Variants in SLC9A9 observed in about 807,000 individuals in gnomAD.
The protein encoded by SLC9A9 is solute carrier family 9 member A9, also known as sodium/hydrogen exchanger 9.
Under a neutral mutation model 77.8 loss-of-function variants are expected in SLC9A9, and 62 were observed. The observed-to-expected ratio is 0.80, with a 90% CI of 0.65 to 0.98. The LOEUF is 0.98. SLC9A9 is among the 50% of genes least tolerant of loss of function. The probability of loss-of-function intolerance (pLI) is 0.00; values close to 1 mark genes in which losing one functional copy is unlikely to be tolerated. For synonymous variants in SLC9A9, 320 were observed against 283.5 expected, an observed-to-expected ratio of 1.13 and a Z score of -1.29; for missense variants, 775 against 774.9, an observed-to-expected ratio of 1.00 and a Z score of 0.00.
rs144316114 is a variant in SLC9A9 at position 143,744,767 on chromosome 3, A to T, written c.533+50234T>A. Among the ~76,000 whole-genome samples, 3 of 152,302 alleles carry T rather than the reference A, an allele frequency of 2.0e-5. No homozygotes were observed. The East Asian group carries it at 5.8e-4, about 29-fold the overall frequency. ...GAATCAGGCAAATGAATAATGATTA[A>T]GTCTAATTAAGTGGAGAATCAGAGG... On this transcript the variant is annotated intron_variant, in intron 4 of 15. Transcript: ENST00000316549.
intron 5 of SLC9A9, among the ~76,000 whole-genome samples, chr3:143,689,881 A>G (rs12488445): frequency 0.43 from 65,523 of 151,934 alleles, 14,310 homozygotes; most frequent in South Asian, 0.6. Flanking sequence ...AAAATCACTG[A>G]AAATTTAGGG....
intron 14 of SLC9A9, among the ~76,000 whole-genome samples, chr3:143,341,942 C>T (rs1483635893): frequency 6.7e-6 from 1 of 149,734 alleles, no homozygotes; most frequent in Admixed American, 6.6e-5. Context: ...TACAAAGGAC[C>T]CATGCAGATG....
chr3:143,762,221 T>A (rs1011908450), intron 4 of SLC9A9, among the ~76,000 whole-genome samples: 1 of 152,106 alleles, frequency 6.6e-6, no homozygotes, highest in African/African-American at 2.4e-5. Context: ...GGGATAGCAT[T>A]AGGAGATATA....
intron 6 of SLC9A9, among the ~76,000 whole-genome samples, chr3:143,604,140 C>T (rs949891778): frequency 6.6e-6 from 1 of 152,134 alleles, no homozygotes; most frequent in Admixed American, 6.5e-5. Flanking sequence ...AAATTAAGGT[C>T]TATTTTGTGC....
At chr3:143,687,334 A>G (rs968582451) in intron 5 of SLC9A9, among the ~76,000 whole-genome samples, 1 of 152,206 alleles carries the variant, frequency 6.6e-6, no homozygotes, top group Non-Finnish European at 1.5e-5. Context: ...CTCGTAAATT[A>G]GTGAGTCACA....
At chr3:143,588,151 CAT>C (rs2037578310) in intron 6 of SLC9A9, among the ~76,000 whole-genome samples, 1 of 152,164 alleles carries the variant, frequency 6.6e-6, no homozygotes, top group Non-Finnish European at 1.5e-5. Flanking sequence ...ATGCTTTAAA[CAT>C]AGAATAAAAG....
intron 13 of SLC9A9, among the ~76,000 whole-genome samples, chr3:143,372,885 C>T (rs1448007045): frequency 6.6e-6 from 1 of 151,978 alleles, no homozygotes; most frequent in Non-Finnish European, 1.5e-5. Context: ...CAGGGAAATG[C>T]AAATTAAAGC....
At chr3:143,414,693 T>C (rs2034159987) in intron 12 of SLC9A9, among the ~76,000 whole-genome samples, 1 of 152,186 alleles carries the variant, frequency 6.6e-6, no homozygotes, top group Admixed American at 6.5e-5. Flanking sequence ...TTTCCCTCTC[T>C]CTCTCTCTCC....
intron 6 of SLC9A9, among the ~76,000 whole-genome samples, chr3:143,586,799 G>A (rs898861180): frequency 6.6e-6 from 1 of 152,172 alleles, no homozygotes; most frequent in Non-Finnish European, 1.5e-5. Context: ...TTCAGAAATT[G>A]GGGGCATTCC....
intron 1 of SLC9A9, among the ~76,000 whole-genome samples, chr3:143,839,500 A>G (rs1341569787): frequency 1.3e-4 from 2 of 15,804 alleles, no homozygotes; most frequent in Non-Finnish European, 2.6e-4. Context: ...AACAACACAC[A>G]TACACACACA....
At chr3:143,452,644 C>A (rs1166822022) in intron 12 of SLC9A9, among the ~76,000 whole-genome samples, 2 of 151,580 alleles carry the variant, frequency 1.3e-5, no homozygotes, top group Non-Finnish European at 2.9e-5. Context: ...AAAAAAATTT[C>A]TAGGTACAAT....
intron 4 of SLC9A9, among the ~76,000 whole-genome samples, chr3:143,756,689 A>G (rs1196053750): frequency 6.6e-6 from 1 of 152,202 alleles, no homozygotes; most frequent in Non-Finnish European, 1.5e-5. Context: ...TATTAATAGG[A>G]ATAGTCACAT....
At chr3:143,624,143 A>G (rs540102036) in intron 6 of SLC9A9, among the ~76,000 whole-genome samples, 1 of 152,330 alleles carries the variant, frequency 6.6e-6, no homozygotes, top group South Asian at 2.1e-4. Context: ...AACCAAAAAA[A>G]GTTCAGGACC....
At chr3:143,495,968 T>G (rs2035828144) in intron 9 of SLC9A9, among the ~76,000 whole-genome samples, 1 of 152,194 alleles carries the variant, frequency 6.6e-6, no homozygotes, top group Non-Finnish European at 1.5e-5. Flanking sequence ...GAATGTCAAT[T>G]ACATTTTAAC....
intron 6 of SLC9A9, among the ~76,000 whole-genome samples, chr3:143,650,502 C>T (rs957920340): frequency 1.3e-5 from 2 of 152,162 alleles, no homozygotes; most frequent in African/African-American, 4.8e-5. Context: ...GGTAGACAGC[C>T]TGGACCAGGA....
intron 14 of SLC9A9, among the ~76,000 whole-genome samples, chr3:143,324,385 G>T (rs1049222333): frequency 6.6e-6 from 1 of 152,214 alleles, no homozygotes; most frequent in African/African-American, 2.4e-5. Context: ...TTCAGTTGCA[G>T]CCAGGGACCT....
At chr3:143,555,821 C>T (rs937199389) in intron 8 of SLC9A9, among the ~76,000 whole-genome samples, 9 of 152,160 alleles carry the variant, frequency 5.9e-5, no homozygotes, top group Non-Finnish European at 1.3e-4. Flanking sequence ...TGCTAAATAT[C>T]TTTTGAGTCT....
At chr3:143,471,985 A>T (rs528281684) in intron 11 of SLC9A9, among the ~76,000 whole-genome samples, 3 of 152,362 alleles carry the variant, frequency 2.0e-5, no homozygotes, top group African/African-American at 7.2e-5. Context: ...TTCAAAGGGC[A>T]AAAGTGAAGC....
intron 6 of SLC9A9, among the ~76,000 whole-genome samples, chr3:143,600,651 G>A (rs1283081659): frequency 1.3e-5 from 2 of 152,170 alleles, no homozygotes; most frequent in African/African-American, 4.8e-5. Flanking sequence ...ATAAATCAGA[G>A]AGGTTGATCA....
Sources: allele counts gnomAD v4.1 joint callset (sites outside exome capture counted in the v4.1 genomes callset), GRCh38; gene constraint gnomAD v4.1.1; transcripts MANE v1.5; gene names NCBI Gene and HGNC (gene_info 2026-07-23, HGNC 2026-07-21).